CORIN: variants seen among roughly 807,000 people sequenced by gnomAD.
CORIN encodes corin, serine peptidase.
CORIN carries 117 observed loss-of-function variants against 125.3 expected under a neutral mutation model. The observed-to-expected ratio is 0.93, with a 90% confidence interval of 0.80 to 1.09. The LOEUF (loss-of-function observed/expected upper bound fraction) is 1.09. Among genes scored for constraint, CORIN ranks in the 50% least tolerant of loss-of-function variants. The probability of loss-of-function intolerance (pLI) is 0.00; values close to 1 mark genes in which losing one functional copy is unlikely to be tolerated. For missense variants in CORIN, 1,253 were observed against 1,306.7 expected (o/e 0.96, Z 0.63); for synonymous variants, 450 against 466.4 (o/e 0.96, Z 0.45).
chr4:47,790,861 T>A (rs1208047426), intron 2 of CORIN, among the ~76,000 whole-genome samples: 1 of 152,110 alleles, frequency 6.6e-6, no homozygotes, highest in Non-Finnish European at 1.5e-5. Context: ...TAATAGAAAG[T>A]CACATTGTAT....
chr4:47,669,596 T>G (rs1724649449), intron 10 of CORIN, among the ~76,000 whole-genome samples: 1 of 148,686 alleles, frequency 6.7e-6, no homozygotes, highest in African/African-American at 2.5e-5. Context: ...TGTGACAGAG[T>G]CTCGCTCTGT....
intron 4 of CORIN, among the ~76,000 whole-genome samples, chr4:47,762,850 G>A (rs1457085152): frequency 1.3e-5 from 2 of 152,170 alleles, no homozygotes; most frequent in Non-Finnish European, 2.9e-5. Flanking sequence ...CTGCAAGACT[G>A]AAGGGTTGGC....
chr4:47,612,695 T>C (rs1246782069), intron 19 of CORIN, among the ~76,000 whole-genome samples: 1 of 152,124 alleles, frequency 6.6e-6, no homozygotes, highest in African/African-American at 2.4e-5. Context: ...CACCACATCC[T>C]TACAACTAAA....
chr4:47,627,895 A>C (rs186063964), intron 16 of CORIN, among the ~76,000 whole-genome samples: 1 of 152,160 alleles, frequency 6.6e-6, no homozygotes, highest in Non-Finnish European at 1.5e-5. Context: ...ATTAGGAGAG[A>C]GTGTGCACTG....
chr4:47,607,388 A>T (rs1217322986), intron 19 of CORIN, among the ~76,000 whole-genome samples: 6 of 151,960 alleles, frequency 3.9e-5, no homozygotes, highest in African/African-American at 1.5e-4. Flanking sequence ...AGCCTGGGCG[A>T]CAGAGTGAGA....
rs111769618 is a variant in CORIN at position 47,630,526 on chromosome 4, C to A, written c.2199-4005G>T. On this transcript the variant is annotated intron_variant, in intron 16 of 21. Coordinates refer to ENST00000273857, the MANE Select transcript of CORIN (RefSeq NM_006587.4). ...TGAGTCTGTGCAGGTAATACAGACT[C>A]AAAATGCTTCCATAGCATCTATGGA... is the stretch of plus-strand genomic sequence containing the variant. 1.7e-3 allele frequency among the ~76,000 whole-genome samples: 257 copies of A among 152,270 alleles called. 3 individuals are homozygous for A. The highest frequency in any genetic ancestry group is 5.6e-3 in the African/African-American group (231 of 41,564).
chr4:47,629,007 GAGTGC>G (rs1316327143), intron 16 of CORIN, among the ~76,000 whole-genome samples: 1 of 152,156 alleles, frequency 6.6e-6, no homozygotes, highest in African/African-American at 2.4e-5. Flanking sequence ...ATTAACATGA[GAGTGC>G]AGATGTCTTT....
chr4:47,603,779 C>T, intron 19 of CORIN, 111 bp from the exon 20 acceptor site: 1 of 1,180,094 alleles, frequency 8.5e-7, no homozygotes, highest in South Asian at 1.6e-5. Context: ...ATTTTCATGC[C>T]CACCTCTCAA....
At chr4:47,784,244 A>T (rs574712692) in intron 3 of CORIN, among the ~76,000 whole-genome samples, 96 of 152,216 alleles carry the variant, frequency 6.3e-4, no homozygotes, top group Non-Finnish European at 1.2e-3. Context: ...AAAGCTATCC[A>T]ATTTCTTGCA....
chr4:47,733,940 C>T (rs1051751234), intron 5 of CORIN, among the ~76,000 whole-genome samples: 1 of 152,088 alleles, frequency 6.6e-6, no homozygotes, highest in African/African-American at 2.4e-5. Context: ...GGAAAAGCAG[C>T]TGTTACAAGT....
At chr4:47,665,694 T>C (rs1724448688) in intron 10 of CORIN, among the ~76,000 whole-genome samples, 1 of 152,184 alleles carries the variant, frequency 6.6e-6, no homozygotes, top group Non-Finnish European at 1.5e-5. Context: ...AGTAGATAAC[T>C]TCTGTCTATA....
intron 5 of CORIN, among the ~76,000 whole-genome samples, chr4:47,733,436 G>A (rs560984539): frequency 3.2e-4 from 48 of 152,324 alleles, no homozygotes; most frequent in Non-Finnish European, 6.8e-4. Context: ...CCAGGATCCT[G>A]AAACTATCAT....
chr4:47,745,249 A>G (rs897831386), intron 4 of CORIN, among the ~76,000 whole-genome samples: 82 of 152,362 alleles, frequency 5.4e-4, no homozygotes, highest in African/African-American at 1.9e-3. Flanking sequence ...TCCTAGATCC[A>G]TAGCTCTGTG....
chr4:47,804,158 T>C (rs1215485018), intron 2 of CORIN, among the ~76,000 whole-genome samples: 1 of 152,084 alleles, frequency 6.6e-6, no homozygotes, highest in Non-Finnish European at 1.5e-5. Context: ...CAATGAGATA[T>C]TACCTCACCC....
intron 5 of CORIN, among the ~76,000 whole-genome samples, chr4:47,704,316 G>A (rs1009221459): frequency 1.1e-4 from 16 of 152,232 alleles, no homozygotes; most frequent in African/African-American, 3.4e-4. Flanking sequence ...AAGTCTAGAG[G>A]ATTGGTTACA....
At chr4:47,732,712 C>G (rs186258224) in intron 5 of CORIN, among the ~76,000 whole-genome samples, 1 of 152,074 alleles carries the variant, frequency 6.6e-6, no homozygotes, top group Non-Finnish European at 1.5e-5. Flanking sequence ...TACAGGCACA[C>G]GCCACCACGC....
At chr4:47,668,220 T>G (rs1477856578) in intron 10 of CORIN, among the ~76,000 whole-genome samples, 1 of 152,208 alleles carries the variant, frequency 6.6e-6, no homozygotes, top group Non-Finnish European at 1.5e-5. Context: ...AATATTTTGT[T>G]ACAAGATTTA....
intron 20 of CORIN, among the ~76,000 whole-genome samples, chr4:47,601,715 GA>G (rs1016371325): frequency 1.3e-5 from 2 of 151,052 alleles, no homozygotes; most frequent in African/African-American, 2.4e-5. Flanking sequence ...TCATAGCTTT[GA>G]AAAAAAACAG....
chr4:47,828,714 G>C (rs957869218), intron 1 of CORIN, among the ~76,000 whole-genome samples: 3 of 152,106 alleles, frequency 2.0e-5, no homozygotes, highest in African/African-American at 4.8e-5. Flanking sequence ...GTTTATTCCA[G>C]GGGTCATTGT....
Sources: gnomAD v4.1 joint callset for allele counts (sites outside exome capture counted in the v4.1 genomes callset) on GRCh38, gnomAD v4.1.1 for gene constraint, MANE v1.5 for transcripts, NCBI Gene and HGNC (gene_info 2026-07-23, HGNC 2026-07-21) for gene names.